The following ZNF831 variants were observed in gnomAD, a reference collection of about 807,000 sequenced individuals.
ZNF831 encodes the protein chromosome 20 open reading frame 174.
In ZNF831, 59 loss-of-function variants were observed where a neutral mutation model predicts 95.8. The ratio of observed to expected loss-of-function variants is 0.62; its 90% CI spans 0.50 to 0.77. The LOEUF (loss-of-function observed/expected upper bound fraction) is 0.77. Ranked by LOEUF, ZNF831 falls within the 30% of genes least tolerant of loss-of-function variation. The pLI, the probability that ZNF831 is intolerant of heterozygous loss-of-function variation, is 0.00. For synonymous variants in ZNF831, 961 were observed against 925.5 expected, an observed-to-expected ratio of 1.04 and a Z score of -0.70; for missense variants, 2,205 against 2,164.0, an observed-to-expected ratio of 1.02 and a Z score of -0.38.
intron 4 of ZNF831, among the ~76,000 whole-genome samples, chr20:59,227,299 T>C (rs1232471615): frequency 1.3e-5 from 2 of 152,206 alleles, no homozygotes; most frequent in African/African-American, 2.4e-5. Flanking sequence ...ATGAATTTGA[T>C]TTTTAAGGGA....
chr20:59,214,690 T>C (rs1350912258), intron 4 of ZNF831, among the ~76,000 whole-genome samples: 2 of 152,244 alleles, frequency 1.3e-5, no homozygotes, highest in Non-Finnish European at 2.9e-5. Flanking sequence ...GAAAAAGCAA[T>C]TGAAAATTAC....
chr20:59,203,217 T>C (rs924586864), intron 3 of ZNF831, among the ~76,000 whole-genome samples: 32 of 152,232 alleles, frequency 2.1e-4, no homozygotes, highest in Admixed American at 2.0e-3. Flanking sequence ...TATAGAAGGA[T>C]TTATTTTTAT....
At chr20:59,123,545 G>C (rs1037387109) in intron 1 of ZNF831, 9 of 152,756 alleles carry the variant, frequency 5.9e-5, no homozygotes. Flanking sequence ...CCACCACCCC[G>C]TAGGAAAGAG....
At position 59,192,397 on chromosome 20, in the gene ZNF831, G is replaced by C. The variant is rs2146564957; in HGVS notation, c.1378G>C (p.Glu460Gln). 6.2e-7 allele frequency: 1 copy of C among 1,612,196 alleles called. No homozygotes were observed. Among genetic ancestry groups the C allele is most frequent in the Non-Finnish European group, 8.5e-7 (1 of 1,179,580 alleles). Residue 460 changes from glutamate to glutamine, a missense_variant, in exon 2 of 6, where the codon GAG (glutamate) becomes CAG (glutamine). Glu to Gln is a conservative substitution (Grantham distance 29). Transcript: ENST00000371030. The surrounding 1 kb of genome is among the most constrained non-coding windows in gnomAD (Gnocchi z 5.2). ...CTTCCACTTTGACATCCGCGCGCTGGAGCCAGGCCGTAGGAGGGCCCCGGG... is the reference window on the plus strand; with the variant it reads ...CTTCCACTTTGACATCCGCGCGCTGCAGCCAGGCCGTAGGAGGGCCCCGGG... The part of the protein sequence containing the change: ...DSFHFDIRAL[E>Q]PGRRRAPGPV...
In ZNF831 at chr20:59,233,045, T is replaced by TAG. The variant is rs35568283; in HGVS notation, c.4028-19921_4028-19920dup. On this transcript the variant is annotated intron_variant, in intron 4 of 5. Coordinates refer to ENST00000371030, the MANE Select transcript of ZNF831 (RefSeq NM_178457.3). ...ACACACACACACACACACACACACATAGAGAGAGAGAGACAGACAGAGACA... is the reference window on the plus strand; with the variant it reads ...ACACACACACACACACACACACACATAGAGAGAGAGAGAGACAGACAGAGACA... 2.0e-3 allele frequency among the ~76,000 whole-genome samples: 224 copies of TAG among 109,478 alleles called. 1 individual carries two copies. Among genetic ancestry groups the TAG allele is most frequent in the Admixed American group, 3.5e-3 (39 of 11,038 alleles). The allele number at this position is 109,478 out of a possible 152,430, so 71.8% of individuals were successfully genotyped here. A position where few individuals can be genotyped will look rare whatever the true frequency, so the allele number is the denominator to read the frequency against.
At position 59,204,434 on chromosome 20, in the gene ZNF831, G is replaced by T. The variant is rs534294297; in HGVS notation, c.3876-2471G>T. On this transcript the variant is annotated intron_variant, in intron 3 of 5. Coordinates refer to ENST00000371030, the MANE Select transcript of ZNF831 (RefSeq NM_178457.3). ...ACATGTGGCTGAGACTCTTTGTCAC[G>T]TTGGCCACAGCCCCAGAGCTTTGAC... 6.6e-5 allele frequency among the ~76,000 whole-genome samples: 10 copies of T among 152,264 alleles called. No individual in the cohort carries two copies. The South Asian group carries it at 1.9e-3, about 28-fold the overall frequency.
chr20:59,215,646 G>A (rs1985627676), intron 4 of ZNF831, among the ~76,000 whole-genome samples: 1 of 152,212 alleles, frequency 6.6e-6, no homozygotes, highest in Non-Finnish European at 1.5e-5. Context: ...CCAGATGATT[G>A]ATCTGGGGAT....
At chr20:59,200,853 G>A (rs1984479038) in intron 3 of ZNF831, among the ~76,000 whole-genome samples, 1 of 151,884 alleles carries the variant, frequency 6.6e-6, no homozygotes. Flanking sequence ...CATTGAGTGA[G>A]TATGTCACAA....
At chr20:59,158,777 G>A (rs1006010877) in intron 2 of ZNF831, among the ~76,000 whole-genome samples, 9 of 152,122 alleles carry the variant, frequency 5.9e-5, no homozygotes, top group Non-Finnish European at 1.2e-4. Context: ...TTTTGGAATC[G>A]TTTGAGATGT....
In ZNF831 at chr20:59,191,598, G is replaced by A. The variant is rs372246789; in HGVS notation, c.579G>A (p.Thr193=). 2.5e-5 allele frequency: 40 copies of A among 1,600,256 alleles called. No individual in the cohort carries two copies. Among genetic ancestry groups the A allele is most frequent in the South Asian group, 4.5e-5 (4 of 89,402 alleles). Reference sequence around the variant, plus strand: ...GCAATCTCTACAAGCACAGGCGGACGCAGACGCACCTCAACAACTCCCGGC... The same window carrying A: ...GCAATCTCTACAAGCACAGGCGGACACAGACGCACCTCAACAACTCCCGGC... ...TQSNLYKHRR[T]QTHLNNSRLS... is the part of the protein sequence containing the mutation. The change falls in exon 2 of 6, where the codon ACG becomes ACA. Residue 193 remains threonine, a synonymous_variant. Coordinates refer to ENST00000371030, the MANE Select transcript of ZNF831 (RefSeq NM_178457.3).
At chr20:59,134,045 C>T (rs1979430570) in intron 1 of ZNF831, among the ~76,000 whole-genome samples, 1 of 152,176 alleles carries the variant, frequency 6.6e-6, no homozygotes, top group African/African-American at 2.4e-5. Flanking sequence ...CCTTGGTTCC[C>T]AGCAGATGTC....
At chr20:59,162,730 G>T (rs191827824), upstream of ZNF831, among the ~76,000 whole-genome samples, 2 of 152,238 alleles carry the variant, frequency 1.3e-5, no homozygotes, top group East Asian at 3.9e-4. Flanking sequence ...ATAATGTGAT[G>T]CCTCTGGCTT....
chr20:59,194,612 A>G lies in ZNF831; in HGVS notation c.3593A>G (p.Gln1198Arg), dbSNP rs775593099. 2.4e-5 allele frequency: 38 copies of G among 1,613,304 alleles called. No homozygotes were observed. The Middle Eastern group carries it at 5.0e-4, about 21-fold the overall frequency. Residue 1198 changes from glutamine to arginine, a missense_variant, in exon 2 of 6, where the codon CAG becomes CGG. By Grantham distance (43) the Gln-to-Arg change is conservative (BLOSUM62 1). Transcript: ENST00000371030. Reference sequence around the variant, plus strand: ...CGCAGTGTCCCTCTGCCCGCGGAGCAGAAGGCAAAGGCGGCATCTGTGTAC... The same window carrying G: ...CGCAGTGTCCCTCTGCCCGCGGAGCGGAAGGCAAAGGCGGCATCTGTGTAC... ...LSRSVPLPAE[Q>R]KAKAASVYLA...
rs2146587740 is a variant in ZNF831, at chr20:59,193,691, C to A, written c.2672C>A (p.Ser891Tyr). 1 of 1,613,004 alleles carries A rather than the reference C, an allele frequency of 6.2e-7. No individual in the cohort carries two copies. Among genetic ancestry groups the A allele is most frequent in the Non-Finnish European group, 8.5e-7 (1 of 1,179,720 alleles). Residue 891 changes from serine to tyrosine, a missense_variant, in exon 2 of 6, where the codon TCT becomes TAT. Transcript: ENST00000371030. ...TCTGGAGCCTCCTTGGCTGCTGCTT[C>A]TGTTGCCCTGAAGAGGGTGGGGCCA... ...ESSGASLAAA[S>Y]VALKRVGPRD...
chr20:59,158,288 C>T (rs186228280), intron 2 of ZNF831, among the ~76,000 whole-genome samples: 11 of 152,306 alleles, frequency 7.2e-5, no homozygotes, highest in African/African-American at 1.2e-4. Context: ...CACAGCCTGG[C>T]GTGCGCAGGA....
At chr20:59,145,996 T>G (rs1293512464) in intron 1 of ZNF831, among the ~76,000 whole-genome samples, 3 of 152,116 alleles carry the variant, frequency 2.0e-5, no homozygotes, top group Non-Finnish European at 2.9e-5. Flanking sequence ...TTGCAAATGT[T>G]CAGTGTAATG....
At chr20:59,126,266 A>G (rs1979168398) in intron 1 of ZNF831, among the ~76,000 whole-genome samples, 1 of 152,104 alleles carries the variant, frequency 6.6e-6, no homozygotes, top group African/African-American at 2.4e-5. Context: ...CAAGGTGTTT[A>G]TAACTTGCTG....
chr20:59,135,871 G>T (rs926974768), intron 1 of ZNF831, among the ~76,000 whole-genome samples: 1 of 152,202 alleles, frequency 6.6e-6, no homozygotes, highest in Non-Finnish European at 1.5e-5. Flanking sequence ...ATACTTGGGA[G>T]GCTGAGGTGG....
At chr20:59,213,719 T>A (rs749065398) in intron 4 of ZNF831, among the ~76,000 whole-genome samples, 3 of 152,100 alleles carry the variant, frequency 2.0e-5, no homozygotes, top group Non-Finnish European at 4.4e-5. Context: ...GTGCGTTGTG[T>A]CAAAAATGGA....
Sources: gnomAD v4.1 joint callset for allele counts (sites outside exome capture counted in the v4.1 genomes callset) on GRCh38, gnomAD v4.1.1 for gene constraint, Gnocchi (gnomAD v3.1) non-coding constraint, MANE v1.5 for transcripts, NCBI Gene and HGNC (gene_info 2026-07-23, HGNC 2026-07-21) for gene names.